Variants in SAMD12 observed in about 807,000 individuals in gnomAD.
SAMD12 encodes sterile alpha motif domain containing 12, also known as sterile alpha motif domain-containing protein 12.
In SAMD12, 9 loss-of-function variants were observed where a neutral mutation model predicts 15.0. The observed-to-expected ratio is 0.60, with a 90% CI of 0.36 to 1.05. The LOEUF (loss-of-function observed/expected upper bound fraction) is 1.05, where lower values mean the gene tolerates loss of function less well. Ranked by LOEUF, SAMD12 falls within the 50% of genes least tolerant of loss-of-function variation. SAMD12 has a pLI of 0.01. For missense variants in SAMD12, 230 were observed against 234.2 expected (o/e 0.98, Z 0.12); for synonymous variants, 86 against 90.1 (o/e 0.96, Z 0.25).
chr8:118,221,903 T>C (rs1173247641), intron 4 of SAMD12, among the ~76,000 whole-genome samples: 1 of 152,232 alleles, frequency 6.6e-6, no homozygotes, highest in Non-Finnish European at 1.5e-5. Flanking sequence ...TTTCGCTTTT[T>C]GCTCAGAACA....
chr8:118,201,766 C>T (rs186436736), intron 4 of SAMD12, among the ~76,000 whole-genome samples: 9 of 152,328 alleles, frequency 5.9e-5, no homozygotes, highest in Non-Finnish European at 1.3e-4. Context: ...GGAAGATGTA[C>T]ATCCTGGGGG....
chr8:118,533,554 A>G (rs1825750200), intron 2 of SAMD12, among the ~76,000 whole-genome samples: 4 of 152,146 alleles, frequency 2.6e-5, no homozygotes, highest in Non-Finnish European at 5.9e-5. Context: ...AAAGTCTCCC[A>G]TTATTATTGT....
the SAMD12 span, among the ~76,000 whole-genome samples, chr8:118,151,684 G>T: frequency 2.6e-5 from 4 of 151,890 alleles, no homozygotes; most frequent in Non-Finnish European, 4.4e-5. Context: ...AAAAAAATTA[G>T]CCAGGTGTGG....
At chr8:118,544,911 AGAG>A (rs566504283) in intron 2 of SAMD12, among the ~76,000 whole-genome samples, 13 of 152,320 alleles carry the variant, frequency 8.5e-5, no homozygotes, top group African/African-American at 2.4e-4. Flanking sequence ...CATATAACGA[AGAG>A]AAGAAGAAAT....
intron 2 of SAMD12, among the ~76,000 whole-genome samples, chr8:118,568,298 G>A (rs535516194): frequency 1.3e-5 from 2 of 152,186 alleles, no homozygotes; most frequent in Non-Finnish European, 2.9e-5. Flanking sequence ...AGGCTTGGAG[G>A]TGGGAAGGTA....
At chr8:118,166,433 A>G in the SAMD12 span, among the ~76,000 whole-genome samples, 3 of 152,356 alleles carry the variant, frequency 2.0e-5, no homozygotes, top group East Asian at 1.9e-4. Flanking sequence ...CTGTAAAAAA[A>G]GCAACTAAAA....
At chr8:118,259,053 C>A (rs151335508) in intron 4 of SAMD12, among the ~76,000 whole-genome samples, 5 of 152,038 alleles carry the variant, frequency 3.3e-5, no homozygotes, top group South Asian at 4.1e-4. Context: ...GATACTTATA[C>A]GGAAATGACA....
intron 2 of SAMD12, among the ~76,000 whole-genome samples, chr8:118,501,949 G>C (rs1000179123): frequency 6.6e-6 from 1 of 151,888 alleles, no homozygotes; most frequent in South Asian, 2.1e-4. Context: ...CCCGTTGGGG[G>C]GCGGAGCTTG....
intron 2 of SAMD12, among the ~76,000 whole-genome samples, chr8:118,448,954 A>C (rs7825963): frequency 0.73 from 110,814 of 152,128 alleles, 40,820 homozygotes; most frequent in African/African-American, 0.84. Context: ...TATAATGTTT[A>C]CCGAAAGTGT....
At chr8:118,332,814 T>C (rs777308297) in intron 4 of SAMD12, among the ~76,000 whole-genome samples, 9 of 152,204 alleles carry the variant, frequency 5.9e-5, no homozygotes, top group Non-Finnish European at 8.8e-5. Context: ...AACAAGTCCA[T>C]TTCTTGAATC....
At chr8:118,338,180 ACTACT>A (rs1178854827) in intron 4 of SAMD12, among the ~76,000 whole-genome samples, 1 of 152,218 alleles carries the variant, frequency 6.6e-6, no homozygotes, top group African/African-American at 2.4e-5. Context: ...GTAATGTATA[ACTACT>A]CTACAGATAC....
chr8:118,478,353 C>T (rs1327728278), intron 2 of SAMD12, among the ~76,000 whole-genome samples: 2 of 152,092 alleles, frequency 1.3e-5, no homozygotes, highest in Non-Finnish European at 2.9e-5. Context: ...ACTGCAGAGC[C>T]CCTGACCACC....
intron 4 of SAMD12, among the ~76,000 whole-genome samples, chr8:118,265,466 A>C (rs1382108296): frequency 6.6e-6 from 1 of 152,114 alleles, no homozygotes; most frequent in East Asian, 1.9e-4. Context: ...GGATGAATGG[A>C]GGTGAATACA....
chr8:118,329,024 G>A (rs117324806), intron 4 of SAMD12, among the ~76,000 whole-genome samples: 1,868 of 152,244 alleles, frequency 0.012, 20 homozygotes, highest in Non-Finnish European at 0.02. Flanking sequence ...CAGATGCCAC[G>A]TAAACAGCCT....
At chr8:118,552,219 A>T (rs1826360992) in intron 2 of SAMD12, among the ~76,000 whole-genome samples, 1 of 152,150 alleles carries the variant, frequency 6.6e-6, no homozygotes, top group Admixed American at 6.5e-5. Context: ...GCAGAGACAC[A>T]ACAAAAAAAG....
At chr8:118,228,675 C>T (rs1812237181) in intron 4 of SAMD12, among the ~76,000 whole-genome samples, 1 of 152,138 alleles carries the variant, frequency 6.6e-6, no homozygotes, top group African/African-American at 2.4e-5. Context: ...GGGAACACTT[C>T]TACACTGCTG....
intron 4 of SAMD12, among the ~76,000 whole-genome samples, chr8:118,346,458 C>A (rs907202663): frequency 6.6e-6 from 1 of 152,158 alleles, no homozygotes; most frequent in Non-Finnish European, 1.5e-5. Context: ...GCCTTCGGAA[C>A]CCTAACATTT....
chr8:118,336,500 T>C (rs1396247468), intron 4 of SAMD12, among the ~76,000 whole-genome samples: 1 of 151,920 alleles, frequency 6.6e-6, no homozygotes, highest in Non-Finnish European at 1.5e-5. Flanking sequence ...CATGTGTCTT[T>C]ATAGCAGCAT....
At chr8:118,523,240 C>T (rs995587761) in intron 2 of SAMD12, among the ~76,000 whole-genome samples, 1 of 152,070 alleles carries the variant, frequency 6.6e-6, no homozygotes, top group African/African-American at 2.4e-5. Context: ...GGGGGGCACT[C>T]CCTCAACCTC....
Sources: gnomAD v4.1 joint callset for allele counts (sites outside exome capture counted in the v4.1 genomes callset) on GRCh38, gnomAD v4.1.1 for gene constraint, MANE v1.5 for transcripts, NCBI Gene and HGNC (gene_info 2026-07-23, HGNC 2026-07-21) for gene names.